Variants in FAM13A observed in about 807,000 individuals in gnomAD.
FAM13A encodes the protein family with sequence similarity 13 member A.
In FAM13A, 76 loss-of-function variants were observed where a neutral mutation model predicts 129.6. The observed-to-expected ratio is 0.59, with a 90% CI of 0.49 to 0.71. FAM13A has a LOEUF of 0.71. Ranked by LOEUF, FAM13A falls within the 30% of genes least tolerant of loss-of-function variation. FAM13A has a pLI of 0.00. For synonymous variants in FAM13A, 443 were observed against 449.9 expected, an observed-to-expected ratio of 0.98 and a Z score of 0.20; for missense variants, 1,108 against 1,249.3, an observed-to-expected ratio of 0.89 and a Z score of 1.70.
intron 7 of FAM13A, among the ~76,000 whole-genome samples, chr4:88,849,898 A>G (rs1387647043): frequency 1.3e-5 from 2 of 152,148 alleles, no homozygotes; most frequent in Non-Finnish European, 2.9e-5. Flanking sequence ...CCAGTTTACA[A>G]TTTCCAAAAT....
intron 7 of FAM13A, among the ~76,000 whole-genome samples, chr4:88,807,396 T>C (rs145002809): frequency 1.3e-5 from 2 of 152,314 alleles, no homozygotes; most frequent in East Asian, 3.9e-4. Flanking sequence ...TTATCTCAAT[T>C]AGATACTCAC....
intron 8 of FAM13A, among the ~76,000 whole-genome samples, chr4:88,793,958 T>C (rs1382495039): frequency 6.6e-6 from 1 of 151,948 alleles, no homozygotes; most frequent in African/African-American, 2.4e-5. Flanking sequence ...ATTTCTTCCA[T>C]AACTAAGACA....
intron 8 of FAM13A, among the ~76,000 whole-genome samples, chr4:88,792,368 C>T (rs1357434875): frequency 6.6e-6 from 1 of 152,086 alleles, no homozygotes; most frequent in Non-Finnish European, 1.5e-5. Flanking sequence ...CAATCCATTA[C>T]TCACTACAGT....
At chr4:89,003,717 C>T (rs180918091) in intron 3 of FAM13A, among the ~76,000 whole-genome samples, 27 of 151,406 alleles carry the variant, frequency 1.8e-4, no homozygotes, top group African/African-American at 4.8e-4. Flanking sequence ...TACCCTCTTA[C>T]GTAATTATTC....
chr4:88,811,628 C>T (rs554054932), intron 7 of FAM13A, among the ~76,000 whole-genome samples: 24 of 152,018 alleles, frequency 1.6e-4, no homozygotes, highest in South Asian at 4.2e-4. Flanking sequence ...GTTGCTTTAC[C>T]TTCCATTTGT....
intron 21 of FAM13A, among the ~76,000 whole-genome samples, chr4:88,735,944 A>C (rs2149409109): frequency 6.6e-6 from 1 of 152,302 alleles, no homozygotes; most frequent in Admixed American, 6.5e-5. Context: ...CATTTGGTGA[A>C]ACCCTTATTA....
chr4:88,877,443 T>C (rs1742727268), intron 6 of FAM13A, among the ~76,000 whole-genome samples: 1 of 152,224 alleles, frequency 6.6e-6, no homozygotes, highest in African/African-American at 2.4e-5. Context: ...ATCATTATTA[T>C]TATGAAGCCT....
intron 5 of FAM13A, among the ~76,000 whole-genome samples, chr4:88,924,435 CA>C: frequency 6.6e-6 from 1 of 152,148 alleles, no homozygotes; most frequent in Admixed American, 6.5e-5. Context: ...ACAAACCTGA[CA>C]AAAACAAGAA....
At chr4:88,890,940 G>T (rs563796339) in intron 6 of FAM13A, among the ~76,000 whole-genome samples, 1 of 152,018 alleles carries the variant, frequency 6.6e-6, no homozygotes, top group Non-Finnish European at 1.5e-5. Flanking sequence ...GAACAGAAAC[G>T]TGAATAGACC....
chr4:88,840,632 A>G (rs1044910674), intron 7 of FAM13A, among the ~76,000 whole-genome samples: 3 of 152,130 alleles, frequency 2.0e-5, no homozygotes, highest in African/African-American at 7.2e-5. Context: ...GCAGATGTGA[A>G]TATGTTGGCA....
intron 7 of FAM13A, among the ~76,000 whole-genome samples, chr4:88,823,711 G>A (rs1732497914): frequency 6.6e-6 from 1 of 152,166 alleles, no homozygotes; most frequent in Non-Finnish European, 1.5e-5. Context: ...TTTCTAGAAG[G>A]AAAGCATGCC....
At chr4:88,934,286 G>C (rs1753510479) in intron 5 of FAM13A, among the ~76,000 whole-genome samples, 2 of 152,034 alleles carry the variant, frequency 1.3e-5, no homozygotes, top group South Asian at 4.2e-4. Flanking sequence ...TTTATTGGCT[G>C]TTGTTTAGTG....
intron 6 of FAM13A, among the ~76,000 whole-genome samples, chr4:88,896,845 CCT>C (rs1325101809): frequency 6.6e-6 from 1 of 152,228 alleles, no homozygotes; most frequent in African/African-American, 2.4e-5. Flanking sequence ...TTTTGTATCC[CCT>C]GATAAAAGTC....
chr4:88,731,020 C>T (rs1737623907), intron 23 of FAM13A, among the ~76,000 whole-genome samples: 1 of 152,172 alleles, frequency 6.6e-6, no homozygotes, highest in Non-Finnish European at 1.5e-5. Context: ...GCGGGAAACG[C>T]AGCTTCCTGC....
At chr4:89,047,679 C>A (rs1771044195) in intron 1 of FAM13A, among the ~76,000 whole-genome samples, 1 of 152,152 alleles carries the variant, frequency 6.6e-6, no homozygotes, top group African/African-American at 2.4e-5. Context: ...AGTGTTACTA[C>A]AGGGGGAACC....
intron 11 of FAM13A, among the ~76,000 whole-genome samples, chr4:88,772,101 C>G (rs555913744): frequency 2.6e-5 from 4 of 152,174 alleles, no homozygotes; most frequent in Admixed American, 1.3e-4. Flanking sequence ...CTGACAAAAC[C>G]TTAATAGAGG....
intron 6 of FAM13A, among the ~76,000 whole-genome samples, chr4:88,897,429 G>T (rs546513989): frequency 1.3e-5 from 2 of 152,174 alleles, no homozygotes; most frequent in Non-Finnish European, 2.9e-5. Flanking sequence ...CTAAGGAAAA[G>T]AAATATAACA....
At chr4:88,948,991 C>T (rs72665841) in intron 4 of FAM13A, among the ~76,000 whole-genome samples, 18,384 of 152,208 alleles carry the variant, frequency 0.12, 1,400 homozygotes, top group Non-Finnish European at 0.16. Flanking sequence ...AACATTTATT[C>T]ACTGTAAGTA....
chr4:89,026,054 G>C (rs1218339261), intron 2 of FAM13A, among the ~76,000 whole-genome samples: 6 of 152,192 alleles, frequency 3.9e-5, no homozygotes. Context: ...TGAATGTTGA[G>C]AGAAAGAACG....
Sources: gnomAD v4.1 joint callset for allele counts (sites outside exome capture counted in the v4.1 genomes callset) on GRCh38, gnomAD v4.1.1 for gene constraint, MANE v1.5 for transcripts, NCBI Gene and HGNC (gene_info 2026-07-23, HGNC 2026-07-21) for gene names.